Variants in CLCA2 observed in about 807,000 individuals in gnomAD.
The protein encoded by CLCA2 is chloride channel accessory 2, also known as calcium-activated chloride channel regulator 2.
CLCA2 carries 85 observed loss-of-function variants against 82.9 expected under a neutral mutation model. The ratio of observed to expected loss-of-function variants is 1.03; its 90% CI spans 0.86 to 1.23. The LOEUF (loss-of-function observed/expected upper bound fraction) is 1.23. Among genes scored for constraint, CLCA2 ranks in the 50% most tolerant of loss-of-function variants. The pLI is 0.00. For missense variants in CLCA2, 1,089 were observed against 1,124.8 expected, an observed-to-expected ratio of 0.97 and a Z score of 0.45; for synonymous variants, 421 against 391.7, an observed-to-expected ratio of 1.07 and a Z score of -0.88.
Position 86,428,493 on chromosome 1 carries a change from A to C in CLCA2, c.400A>C (p.Lys134Gln), listed in dbSNP as rs760969045. The change falls in exon 3 of 14, where the codon AAA becomes CAA. Residue 134 changes from lysine to glutamine, a missense_variant. Coordinates refer to ENST00000370565, the MANE Select transcript of CLCA2 (RefSeq NM_006536.7). ...PYTLQYRGCG[K>Q]EGKYIHFTPN... ...CACCCTACAATACAGAGGGTGTGGAAAAGAGGGAAAATACATTCATTTCAC... is the reference window on the plus strand; with the variant it reads ...CACCCTACAATACAGAGGGTGTGGACAAGAGGGAAAATACATTCATTTCAC... 25 of 1,613,672 alleles carry C rather than the reference A, an allele frequency of 1.5e-5. No homozygotes were observed. Among genetic ancestry groups the C allele is most frequent in the Middle Eastern group, 1.6e-4 (1 of 6,082 alleles).
chr1:86,424,496 GA>G, intron 1 of CLCA2, 63 bp downstream of exon 1: 1 of 1,379,246 alleles, frequency 7.3e-7, no homozygotes, highest in Non-Finnish European at 9.9e-7. Flanking sequence ...GCCTTATTTA[GA>G]AGCTAACTAC....
chr1:86,444,816 G>A (rs1662812824), intron 10 of CLCA2, among the ~76,000 whole-genome samples: 1 of 152,172 alleles, frequency 6.6e-6, no homozygotes, highest in African/African-American at 2.4e-5. Flanking sequence ...ACTGTAAGTT[G>A]ATCAGATTCA....
intron 6 of CLCA2, among the ~76,000 whole-genome samples, chr1:86,437,879 A>T (rs574778159): frequency 1.1e-4 from 17 of 151,648 alleles, no homozygotes; most frequent in African/African-American, 4.1e-4. Flanking sequence ...TCCATTTTGC[A>T]GATGAGAAAA....
In CLCA2 at chr1:86,432,469, ATC is replaced by A. The variant is rs763933243; in HGVS notation, c.687_688del (p.Tyr230GlnfsTer2). On this transcript the variant is annotated frameshift_variant, in exon 5 of 14. Coordinates refer to ENST00000370565, the MANE Select transcript of CLCA2 (RefSeq NM_006536.7). LOFTEE classifies it high-confidence loss of function. ...SKLFKEGCTF[I>X]YNSTQNATAS... The stretch of plus-strand genomic sequence containing the variant: ...GCTTTTTAAAGAAGGATGCACCTTT[ATC>A]TACAATAGCACCCAAAATGCAACTG... The A allele has an allele frequency of 6.2e-7, 1 of 1,614,048 alleles. No homozygotes were observed. Among genetic ancestry groups the A allele is most frequent in the Non-Finnish European group, 8.5e-7 (1 of 1,179,980 alleles).
At chr1:86,453,117 G>A (rs1312049884) in intron 12 of CLCA2, among the ~76,000 whole-genome samples, 2 of 152,130 alleles carry the variant, frequency 1.3e-5, no homozygotes, top group Non-Finnish European at 2.9e-5. Flanking sequence ...AGGTTGCAGT[G>A]AGCCAAGATT....
chr1:86,428,197 G>A (rs1435894557), intron 2 of CLCA2, among the ~76,000 whole-genome samples: 1 of 152,074 alleles, frequency 6.6e-6, no homozygotes, highest in African/African-American at 2.4e-5. Context: ...AGACCTTTTT[G>A]GAAATCCCAA....
At chr1:86,448,949 T>A (rs1330806242) in intron 11 of CLCA2, among the ~76,000 whole-genome samples, 1 of 152,258 alleles carries the variant, frequency 6.6e-6, no homozygotes, top group African/African-American at 2.4e-5. Flanking sequence ...CCTACTCCCC[T>A]AGGGAATATC....
In CLCA2 at chr1:86,430,896, T is replaced by C. The variant is rs758731574; in HGVS notation, c.510T>C (p.Arg170=). The C allele has an allele frequency of 5.3e-5, 86 of 1,613,592 alleles. No homozygotes were observed. The highest frequency in any genetic ancestry group is 2.7e-4 in the East Asian group (12 of 44,882). ...TTGTCCATGAATGGGCCCACCTCCG[T>C]TGGGGTGTGTTCGATGAGTATAACA... is the stretch of plus-strand genomic sequence containing the variant. The part of the protein sequence containing the change: ...RVFVHEWAHL[R]WGVFDEYNND... Residue 170 remains arginine (R), a synonymous_variant, in exon 4 of 14, where the codon CGT becomes CGC. Transcript: ENST00000370565.
Position 86,450,693 on chromosome 1 carries a change from A to T in CLCA2, c.2115A>T (p.Pro705=). Reference sequence around the variant, plus strand: ...TAAGCACCCCAGCCCACTCTATTCCAGGGAGTCATGCTATGTATGTACCAG... The same window carrying T: ...TAAGCACCCCAGCCCACTCTATTCCTGGGAGTCATGCTATGTATGTACCAG... ...PSISTPAHSI[P]GSHAMYVPGY... is the part of the protein sequence containing the mutation. Residue 705 remains proline (P), a synonymous_variant, in exon 12 of 14, where the codon CCA becomes CCT. Coordinates refer to ENST00000370565, the MANE Select transcript of CLCA2 (RefSeq NM_006536.7). 6.2e-7 allele frequency: 1 copy of T among 1,612,956 alleles called. No homozygotes were observed. The highest frequency in any genetic ancestry group is 8.5e-7 in the Non-Finnish European group (1 of 1,179,316).
chr1:86,444,757 G>A (rs1283365611), intron 10 of CLCA2, among the ~76,000 whole-genome samples: 1 of 152,116 alleles, frequency 6.6e-6, no homozygotes, highest in Admixed American at 6.5e-5. Context: ...AAGTGAACAG[G>A]GGCTTGAATC....
chr1:86,424,463 C>T (rs1316440884), intron 1 of CLCA2, 30 bp downstream of exon 1: 3 of 1,577,116 alleles, frequency 1.9e-6, no homozygotes, highest in Non-Finnish European at 2.6e-6. Context: ...TTGATACTAG[C>T]ATCCCATTTG....
chr1:86,432,745 G>T (rs1478897287), intron 5 of CLCA2, among the ~76,000 whole-genome samples: 1 of 152,084 alleles, frequency 6.6e-6, no homozygotes, highest in Admixed American at 6.6e-5. Context: ...TTCCTGGGAG[G>T]TTTAACAAAG....
chr1:86,440,851 A>C (rs1662715769), intron 8 of CLCA2, among the ~76,000 whole-genome samples: 1 of 152,156 alleles, frequency 6.6e-6, no homozygotes, highest in African/African-American at 2.4e-5. Context: ...CAGTCACCTG[A>C]GATCACGCTA....
intron 8 of CLCA2, among the ~76,000 whole-genome samples, chr1:86,441,215 G>T (rs1389646025): frequency 6.6e-6 from 1 of 151,916 alleles, no homozygotes; most frequent in African/African-American, 2.4e-5. Context: ...ATAAGTTCTA[G>T]GCCCTGGCAA....
intron 13 of CLCA2, among the ~76,000 whole-genome samples, chr1:86,454,675 C>A (rs997069976): frequency 1.3e-5 from 2 of 151,994 alleles, no homozygotes; most frequent in Non-Finnish European, 2.9e-5. Flanking sequence ...GCCTGTAATC[C>A]CAGCTACTTG....
intron 5 of CLCA2, 88 bp downstream of exon 5, chr1:86,432,616 C>T: frequency 6.9e-7 from 1 of 1,459,844 alleles, no homozygotes; most frequent in South Asian, 1.4e-5. Flanking sequence ...AATTAAGATG[C>T]ACTATACTTT....
intron 3 of CLCA2, 27 bp from the exon 4 acceptor site, chr1:86,430,835 C>G: frequency 6.3e-7 from 1 of 1,586,078 alleles, no homozygotes; most frequent in Non-Finnish European, 8.6e-7. Context: ...TTTAGAAGCT[C>G]AAAAGCAAAA....
At chr1:86,446,530 T>C (rs1004567610) in intron 10 of CLCA2, among the ~76,000 whole-genome samples, 2 of 152,186 alleles carry the variant, frequency 1.3e-5, no homozygotes, top group Admixed American at 6.5e-5. Flanking sequence ...CATGCATCTG[T>C]CACTAATGTT....
At chr1:86,427,547 T>C (rs1039686792) in intron 2 of CLCA2, among the ~76,000 whole-genome samples, 4 of 148,208 alleles carry the variant, frequency 2.7e-5, no homozygotes, top group Non-Finnish European at 3.0e-5. Context: ...CACACATACA[T>C]ACACACACAC....
Sources: allele counts gnomAD v4.1 joint callset (sites outside exome capture counted in the v4.1 genomes callset), GRCh38; gene constraint gnomAD v4.1.1; transcripts MANE v1.5; gene names NCBI Gene and HGNC (gene_info 2026-07-23, HGNC 2026-07-21).